SHANK2: variants seen among roughly 807,000 people sequenced by gnomAD.
The protein encoded by SHANK2 is SH3 and multiple ankyrin repeat domains 2.
A neutral mutation model predicts 133.7 loss-of-function variants in SHANK2; 43 were observed. The observed-to-expected ratio is 0.32, with a 90% CI of 0.25 to 0.41. The LOEUF is 0.41. SHANK2 is among the 10% of genes least tolerant of loss of function. SHANK2 has a pLI of 1.00. For missense variants in SHANK2, 1,994 were observed against 2,235.8 expected, an observed-to-expected ratio of 0.89 and a Z score of 2.18; for synonymous variants, 1,017 against 952.8, an observed-to-expected ratio of 1.07 and a Z score of -1.24.
rs571754320 is a variant in SHANK2 at position 70,479,369 on chromosome 11, G to C, written c.4980-5930C>G. On this transcript the variant is annotated intron_variant, in intron 25 of 25. Transcript: ENST00000601538. This position sits in a 1 kb window ranked among gnomAD's most constrained non-coding sequence, Gnocchi z 4.4. ...GAGGCTGTCAGGATAATACTGCAGAGAGCCCAGTAGGGACTGGAGGCCTTG... is the reference window on the plus strand; with the variant it reads ...GAGGCTGTCAGGATAATACTGCAGACAGCCCAGTAGGGACTGGAGGCCTTG... Among the ~76,000 whole-genome samples the C allele has an allele frequency of 6.6e-6, 1 of 152,344 alleles. No homozygotes were observed. Among genetic ancestry groups the C allele is most frequent in the African/African-American group, 2.4e-5 (1 of 41,578 alleles).
chr11:70,533,083 T>TG (rs374406869), intron 17 of SHANK2, among the ~76,000 whole-genome samples: 3 of 151,964 alleles, frequency 2.0e-5, no homozygotes, highest in Non-Finnish European at 4.4e-5. Flanking sequence ...TGCCGGAGGC[T>TG]GGGGGGAGGG....
intron 2 of SHANK2, among the ~76,000 whole-genome samples, chr11:71,181,417 C>G (rs1038200004): frequency 2.0e-5 from 3 of 152,054 alleles, no homozygotes; most frequent in African/African-American, 7.2e-5. Flanking sequence ...ACAGGAGGAT[C>G]GCCGGAGCCC....
At chr11:70,635,444 G>C (rs897678773) in intron 17 of SHANK2, 1 of 151,736 alleles carries the variant, frequency 6.6e-6, no homozygotes, top group African/African-American at 2.4e-5. Flanking sequence ...ATTACACTGA[G>C]TGAAATGTAC....
chr11:71,079,556 C>G (rs1012235413), intron 8 of SHANK2, among the ~76,000 whole-genome samples: 47 of 151,674 alleles, frequency 3.1e-4, no homozygotes, highest in Non-Finnish European at 1.0e-4. Context: ...GTCAGGAGAT[C>G]GAGACCATCC....
intron 17 of SHANK2, among the ~76,000 whole-genome samples, chr11:70,643,798 T>G (rs1469039711): frequency 7.9e-5 from 12 of 152,126 alleles, no homozygotes; most frequent in African/African-American, 2.9e-4. Flanking sequence ...GTCTTTGCTC[T>G]CATAGAGTTA....
chr11:71,193,337 GTGTGTGTGCATGCACACATACATGTA>G (rs1246850852), intron 2 of SHANK2, among the ~76,000 whole-genome samples: 2 of 152,136 alleles, frequency 1.3e-5, no homozygotes, highest in South Asian at 4.1e-4. Context: ...GTGTGGGAGT[GTGTGTGTGCATGCACACATACATGTA>G]TATGTGTGCA....
chr11:70,529,414 T>A (rs1429807521), intron 17 of SHANK2, among the ~76,000 whole-genome samples: 3 of 152,170 alleles, frequency 2.0e-5, no homozygotes, highest in African/African-American at 7.2e-5. Flanking sequence ...ACACACGGGT[T>A]CCCCATTACC....
At chr11:70,732,379 C>T (rs868990666) in intron 14 of SHANK2, among the ~76,000 whole-genome samples, 33 of 152,344 alleles carry the variant, frequency 2.2e-4, no homozygotes, top group Admixed American at 1.6e-3. Flanking sequence ...GGGCCCTGTG[C>T]CTGGCTCTGG....
intron 2 of SHANK2, among the ~76,000 whole-genome samples, chr11:71,200,414 C>T (rs1284047921): frequency 2.0e-5 from 3 of 152,216 alleles, no homozygotes; most frequent in Non-Finnish European, 4.4e-5. Context: ...AATAACGCTG[C>T]CATGAGCATG....
intron 6 of SHANK2, among the ~76,000 whole-genome samples, chr11:71,096,716 G>T (rs946790399): frequency 1.3e-5 from 2 of 152,190 alleles, no homozygotes; most frequent in African/African-American, 2.4e-5. Flanking sequence ...CTTCAAAACA[G>T]TTAGGATTTT....
At position 70,820,601 on chromosome 11, in the gene SHANK2, C is replaced by T. The variant is rs1244880154; in HGVS notation, c.1256G>A (p.Arg419His). Reference sequence around the variant, plus strand: ...ATTGAGGTTGTTGTCACTGTTGGAGCGCAGCAGGACCCGGGGGGCGGCCAG... The same window carrying T: ...ATTGAGGTTGTTGTCACTGTTGGAGTGCAGCAGGACCCGGGGGGCGGCCAG... Reference protein sequence around the residue: ...NTLAAPRVLLRSNSDNNLNAS... With the variant: ...NTLAAPRVLLHSNSDNNLNAS... The change falls in exon 12 of 26, where the codon CGC (arginine) becomes CAC (histidine). Residue 419 changes from arginine (R) to histidine (H), a missense_variant. Physicochemically the swap from Arg to His is conservative, Grantham distance 29 (BLOSUM62 0). Around this residue, in one of 5 missense-constraint regions of SHANK2, gnomAD observed 653 missense variants for 563.4 expected, o/e 1.16. Coordinates refer to ENST00000601538, the MANE Select transcript of SHANK2 (RefSeq NM_012309.5). The T allele has an allele frequency of 5.6e-6, 4 of 715,334 alleles. No homozygotes were observed. The highest frequency in any genetic ancestry group is 1.0e-5 in the Non-Finnish European group (4 of 383,784). 44.3% of individuals were successfully genotyped at this position (715,334 alleles called of 1,614,324 possible).
chr11:70,637,446 TGGCCGGGCCAC>T (rs1254218520), intron 17 of SHANK2, among the ~76,000 whole-genome samples: 6 of 152,036 alleles, frequency 3.9e-5, no homozygotes, highest in Non-Finnish European at 8.8e-5. Context: ...ACTCCCCTCC[TGGCCGGGCCAC>T]GGCCAGCTCT....
Position 70,891,479 on chromosome 11 carries a change from G to T in SHANK2, c.1174+5022C>A, listed in dbSNP as rs181581824. Among the ~76,000 whole-genome samples the T allele has an allele frequency of 1.6e-3, 238 of 152,292 alleles. 2 individuals are homozygous for T. The highest frequency in any genetic ancestry group is 5.5e-3 in the African/African-American group (227 of 41,556). ...ATCGCGCCACTGCACTCCAGCCTGG[G>T]TGACAGAGCAAGACTCTGTCTTAAA... On this transcript the variant is annotated intron_variant, in intron 11 of 25. Coordinates refer to ENST00000601538, the MANE Select transcript of SHANK2 (RefSeq NM_012309.5).
At chr11:71,138,390 A>G (rs1376889987) in intron 3 of SHANK2, among the ~76,000 whole-genome samples, 2 of 152,230 alleles carry the variant, frequency 1.3e-5, no homozygotes, top group Non-Finnish European at 2.9e-5. Context: ...ACAAAATGCA[A>G]ATGCGGTAAT....
intron 14 of SHANK2, among the ~76,000 whole-genome samples, chr11:70,775,064 C>A (rs576113794): frequency 6.6e-6 from 1 of 152,046 alleles, no homozygotes; most frequent in African/African-American, 2.4e-5. Flanking sequence ...GAGGCTGAAG[C>A]GAAAGGATCA....
At chr11:71,141,345 A>C (rs1380202335) in intron 3 of SHANK2, among the ~76,000 whole-genome samples, 24 of 152,040 alleles carry the variant, frequency 1.6e-4, no homozygotes, top group African/African-American at 5.8e-4. Flanking sequence ...ATACAAAAAA[A>C]AAAAAATTAT....
At chr11:71,247,221 T>C (rs118032309) in intron 1 of SHANK2, among the ~76,000 whole-genome samples, 1,946 of 152,338 alleles carry the variant, frequency 0.013, 21 homozygotes, top group Non-Finnish European at 0.018. Flanking sequence ...GATGGGTTTA[T>C]ATCACAGTGG....
At chr11:70,636,281 A>G (rs1335509112) in intron 17 of SHANK2, among the ~76,000 whole-genome samples, 1 of 151,972 alleles carries the variant, frequency 6.6e-6, no homozygotes, top group Non-Finnish European at 1.5e-5. Context: ...ATGTGTGTGT[A>G]CATGTATGAG....
chr11:70,529,635 T>C (rs1462397906), intron 17 of SHANK2, among the ~76,000 whole-genome samples: 2 of 152,188 alleles, frequency 1.3e-5, no homozygotes, highest in Non-Finnish European at 2.9e-5. Context: ...CCACCACCTC[T>C]ATCTAGTTCC....
Sources: allele counts gnomAD v4.1 joint callset (sites outside exome capture counted in the v4.1 genomes callset), GRCh38; gene constraint gnomAD v4.1.1; regional missense constraint gnomAD v4.1.1; non-coding constraint Gnocchi (gnomAD v3.1); transcripts MANE v1.5; gene names NCBI Gene and HGNC (gene_info 2026-07-23, HGNC 2026-07-21).